The following GABRB3 variants were observed in gnomAD, a reference collection of about 807,000 sequenced individuals.
The protein encoded by GABRB3 is gamma-aminobutyric acid receptor subunit beta-3.
Under a neutral mutation model 52.1 loss-of-function variants are expected in GABRB3, and 14 were observed. That is an observed-to-expected ratio of 0.27 (90% CI 0.18 to 0.42). The LOEUF is 0.42. Ranked by LOEUF, GABRB3 falls within the 10% of genes least tolerant of loss-of-function variation. The pLI is 1.00. For missense variants in GABRB3, 307 were observed against 609.1 expected, an observed-to-expected ratio of 0.50 and a Z score of 5.22; for synonymous variants, 260 against 232.3, an observed-to-expected ratio of 1.12 and a Z score of -1.08.
chr15:26,621,291 TGGTCC>T lies in GABRB3; in HGVS notation c.461+18_461+22del. On this transcript the variant is annotated intron_variant, in intron 4 of 8. Coordinates refer to ENST00000311550, the MANE Select transcript of GABRB3 (RefSeq NM_000814.6). This position sits in a 1 kb window ranked among gnomAD's most constrained non-coding sequence, Gnocchi z 4.1. ...CCCATGCACCATGCAACAGCAAAATTGGTCCTGAAGAGGCACACAGACCTGAGCCC... is the reference window on the plus strand; with the variant it reads ...CCCATGCACCATGCAACAGCAAAATTTGAAGAGGCACACAGACCTGAGCCC... 6.3e-7 allele frequency: 1 copy of T among 1,595,106 alleles called. No individual in the cohort carries two copies. Among genetic ancestry groups the T allele is most frequent in the African/African-American group, 1.3e-5 (1 of 74,628 alleles).
intron 6 of GABRB3, among the ~76,000 whole-genome samples, chr15:26,569,806 T>C (rs541550145): frequency 4.2e-4 from 64 of 152,368 alleles, no homozygotes; most frequent in Middle Eastern, 3.4e-3. Flanking sequence ...TTATCTCTTA[T>C]AAATAGTTTT....
At chr15:26,617,505 G>T (rs1274061539) in intron 4 of GABRB3, among the ~76,000 whole-genome samples, 1 of 152,066 alleles carries the variant, frequency 6.6e-6, no homozygotes, top group Non-Finnish European at 1.5e-5. Context: ...GGTATTGATG[G>T]GACGTATCTC....
intron 4 of GABRB3, among the ~76,000 whole-genome samples, chr15:26,599,367 GCTCCA>G (rs1285737565): frequency 1.3e-5 from 2 of 152,142 alleles, no homozygotes; most frequent in African/African-American, 4.8e-5. Context: ...ATCAGGATGG[GCTCCA>G]CCCATCCTAA....
At chr15:26,770,771 C>A (rs1458423434) in intron 3 of GABRB3, among the ~76,000 whole-genome samples, 1 of 152,160 alleles carries the variant, frequency 6.6e-6, no homozygotes, top group Non-Finnish European at 1.5e-5. Flanking sequence ...AATGTGAAGT[C>A]CCCAGTTGAG....
chr15:26,773,497 C>T (rs1555384008), upstream of GABRB3: 4 of 484,182 alleles, frequency 8.3e-6, no homozygotes, highest in East Asian at 7.6e-5. Flanking sequence ...TGCCCGCCTA[C>T]CCCGGCCGCC....
chr15:26,735,549 AT>A (rs1403139564), intron 3 of GABRB3, among the ~76,000 whole-genome samples: 1 of 152,206 alleles, frequency 6.6e-6, no homozygotes, highest in Non-Finnish European at 1.5e-5. Context: ...GGATAAACAA[AT>A]TGTGGTATAT....
intron 3 of GABRB3, among the ~76,000 whole-genome samples, chr15:26,683,231 G>T (rs1212061842): frequency 6.6e-6 from 1 of 152,124 alleles, no homozygotes; most frequent in East Asian, 1.9e-4. Context: ...ATGTTTAAGA[G>T]AATTGATAAA....
chr15:26,717,637 ATC>A (rs1351491250), intron 3 of GABRB3, among the ~76,000 whole-genome samples: 1 of 152,076 alleles, frequency 6.6e-6, no homozygotes, highest in Non-Finnish European at 1.5e-5. Context: ...ATTGGATGGA[ATC>A]TCTCTCTCCC....
chr15:26,616,161 G>C, intron 4 of GABRB3: 2 of 1,091,818 alleles, frequency 1.8e-6, no homozygotes, highest in Non-Finnish European at 2.5e-6. Flanking sequence ...AAAAAGACAC[G>C]GGAGGGAAGG....
At chr15:26,722,300 G>A (rs78694342) in intron 3 of GABRB3, among the ~76,000 whole-genome samples, 14,010 of 152,172 alleles carry the variant, frequency 0.092, 923 homozygotes, top group East Asian at 0.31. Context: ...AGCAGCAAAT[G>A]ACCAAGATCT....
chr15:26,577,606 A>G (rs28666077), intron 6 of GABRB3, among the ~76,000 whole-genome samples: 9,912 of 152,244 alleles, frequency 0.065, 1,054 homozygotes, highest in African/African-American at 0.23. Context: ...AACCAAAAAC[A>G]AACAGAAAAA....
intron 3 of GABRB3, chr15:26,624,496 G>A (rs1026555736): frequency 6.1e-6 from 6 of 985,306 alleles, no homozygotes; most frequent in African/African-American, 1.7e-5. Flanking sequence ...TAGGAGCCCG[G>A]CTGTCACTCA....
intron 3 of GABRB3, among the ~76,000 whole-genome samples, chr15:26,705,127 C>T (rs528288205): frequency 5.9e-5 from 9 of 152,292 alleles, no homozygotes; most frequent in Non-Finnish European, 1.0e-4. Context: ...TGATTTATAA[C>T]GAGCAGAAAT....
chr15:26,619,646 T>C (rs911012320), intron 4 of GABRB3, among the ~76,000 whole-genome samples: 1 of 151,840 alleles, frequency 6.6e-6, no homozygotes, highest in African/African-American at 2.4e-5. Flanking sequence ...TATGCACATG[T>C]ACCCTAAAAC....
At chr15:26,730,093 T>G (rs1346153992) in intron 3 of GABRB3, among the ~76,000 whole-genome samples, 1 of 152,224 alleles carries the variant, frequency 6.6e-6, no homozygotes, top group Admixed American at 6.5e-5. Flanking sequence ...AAAAGAAATT[T>G]AGAAGAAACC....
At chr15:26,713,340 C>T (rs559624209) in intron 3 of GABRB3, among the ~76,000 whole-genome samples, 7 of 152,134 alleles carry the variant, frequency 4.6e-5, no homozygotes, top group Admixed American at 1.3e-4. Context: ...GAGAATGTGG[C>T]GGGCAGAGAG....
intron 4 of GABRB3, among the ~76,000 whole-genome samples, chr15:26,590,833 A>C (rs1340595384): frequency 6.6e-6 from 1 of 152,160 alleles, no homozygotes; most frequent in Non-Finnish European, 1.5e-5. Context: ...CTACTCACCA[A>C]AGAGGAGCTG....
At chr15:26,736,337 A>G (rs2140155770) in intron 3 of GABRB3, among the ~76,000 whole-genome samples, 1 of 152,374 alleles carries the variant, frequency 6.6e-6, no homozygotes, top group African/African-American at 2.4e-5. Flanking sequence ...TCCCATTAGT[A>G]TAAAGCAGAC....
chr15:26,716,502 CA>C (rs1889471655), intron 3 of GABRB3: 8 of 715,758 alleles, frequency 1.1e-5, no homozygotes, highest in Non-Finnish European at 1.2e-5. Context: ...AAACGATGCT[CA>C]GGGGGTTTGA....
Sources: allele counts gnomAD v4.1 joint callset (sites outside exome capture counted in the v4.1 genomes callset), GRCh38; gene constraint gnomAD v4.1.1; non-coding constraint Gnocchi (gnomAD v3.1); transcripts MANE v1.5; gene names NCBI Gene and HGNC (gene_info 2026-07-23, HGNC 2026-07-21).